Variants in AGAP1 observed in about 807,000 individuals in gnomAD.
The protein encoded by AGAP1 is ArfGAP with GTPase domain, ankyrin repeat and PH domain 1.
AGAP1 carries 29 observed loss-of-function variants against 105.3 expected under a neutral mutation model. That is an observed-to-expected ratio of 0.28 (90% CI 0.21 to 0.38). The LOEUF (loss-of-function observed/expected upper bound fraction) is 0.38. Among genes scored for constraint, AGAP1 ranks in the 10% least tolerant of loss-of-function variants. The pLI is 1.00. For missense variants in AGAP1, 998 were observed against 1,165.1 expected, an observed-to-expected ratio of 0.86 and a Z score of 2.09; for synonymous variants, 509 against 485.9, an observed-to-expected ratio of 1.05 and a Z score of -0.63.
intron 8 of AGAP1, among the ~76,000 whole-genome samples, chr2:235,802,976 G>GAT (rs1559506238): frequency 6.2e-5 from 9 of 144,368 alleles, no homozygotes; most frequent in East Asian, 2.1e-4. Context: ...TGATGGTTGT[G>GAT]GTTGTGATGG....
intron 16 of AGAP1, among the ~76,000 whole-genome samples, chr2:236,075,598 A>G (rs542072736): frequency 6.6e-6 from 1 of 152,210 alleles, no homozygotes; most frequent in East Asian, 1.9e-4. Flanking sequence ...AGCACTGGAA[A>G]TAGCCGACAT....
intron 12 of AGAP1, among the ~76,000 whole-genome samples, chr2:235,944,164 C>G (rs1440150634): frequency 6.6e-6 from 1 of 152,094 alleles, no homozygotes; most frequent in Admixed American, 6.5e-5. Flanking sequence ...ATTTCAGATC[C>G]TCTTAAATTA....
At chr2:235,984,490 T>TC (rs1420464331) in intron 13 of AGAP1, among the ~76,000 whole-genome samples, 1 of 114,186 alleles carries the variant, frequency 8.8e-6, no homozygotes, top group Non-Finnish European at 1.9e-5. Flanking sequence ...TTCCTTTATT[T>TC]CTTAAAAAAA....
chr2:235,851,998 C>G (rs914808343), intron 9 of AGAP1, among the ~76,000 whole-genome samples: 1 of 152,128 alleles, frequency 6.6e-6, no homozygotes, highest in Non-Finnish European at 1.5e-5. Context: ...AGATTAACAA[C>G]CTCCGCTGAA....
rs570611447 is a variant in AGAP1 at position 235,720,490 on chromosome 2, G to A, written c.310+2846G>A. Among the ~76,000 whole-genome samples the A allele has an allele frequency of 5.3e-5, 8 of 152,192 alleles. No individual in the cohort carries two copies. Among genetic ancestry groups the A allele is most frequent in the South Asian group, 2.1e-4 (1 of 4,812 alleles). On this transcript the variant is annotated intron_variant, in intron 3 of 17. Coordinates refer to ENST00000304032, the MANE Select transcript of AGAP1 (RefSeq NM_001037131.3). This position sits in a 1 kb window ranked among gnomAD's most constrained non-coding sequence, Gnocchi z 5.0. ...ACAGTGGTGGGAGTGGTTGGCGCCC[G>A]GTTGAGGGATTGGATTTTGAGTGAG...
intron 6 of AGAP1, among the ~76,000 whole-genome samples, chr2:235,759,464 C>T (rs909073074): frequency 1.4e-4 from 22 of 152,340 alleles, no homozygotes; most frequent in East Asian, 3.9e-4. Context: ...CCACCGCGCC[C>T]GGCCCTGGCA....
chr2:235,602,630 A>T (rs1256395011), intron 1 of AGAP1, among the ~76,000 whole-genome samples: 2 of 152,168 alleles, frequency 1.3e-5, no homozygotes, highest in Non-Finnish European at 2.9e-5. Context: ...CTAATGGTGC[A>T]TGTTTCCTCC....
chr2:236,051,839 G>A lies in AGAP1; in HGVS notation c.2114+2558G>A, dbSNP rs1576176352. 6.6e-6 allele frequency among the ~76,000 whole-genome samples: 1 copy of A among 152,286 alleles called. No individual in the cohort carries two copies. Among genetic ancestry groups the A allele is most frequent in the East Asian group, 1.9e-4 (1 of 5,166 alleles). On this transcript the variant is annotated intron_variant, in intron 16 of 17. Transcript: ENST00000304032. This position sits in a 1 kb window ranked among gnomAD's most constrained non-coding sequence, Gnocchi z 5.9. ...AGGGTCCTGGTGGAGCATGCGGGAA[G>A]CCTTAACTACACTGTCCAAAGCAAA...
At chr2:235,669,355 A>G (rs1034285032) in intron 1 of AGAP1, among the ~76,000 whole-genome samples, 1 of 152,126 alleles carries the variant, frequency 6.6e-6, no homozygotes, top group Non-Finnish European at 1.5e-5. Context: ...CAGGTGAGAC[A>G]TGCCCCTCGT....
At chr2:236,108,185 G>A (rs2059548612) in intron 16 of AGAP1, among the ~76,000 whole-genome samples, 1 of 152,208 alleles carries the variant, frequency 6.6e-6, no homozygotes, top group Non-Finnish European at 1.5e-5. Context: ...CATGCAAGGG[G>A]GAGGCAGCTG....
intron 12 of AGAP1, among the ~76,000 whole-genome samples, chr2:235,942,270 G>A (rs902562123): frequency 1.3e-5 from 2 of 152,146 alleles, no homozygotes; most frequent in African/African-American, 2.4e-5. Context: ...CAGTAGCCAC[G>A]GGTAGAGCCG....
At chr2:235,847,126 G>T (rs1961590718) in intron 9 of AGAP1, among the ~76,000 whole-genome samples, 2 of 152,208 alleles carry the variant, frequency 1.3e-5, no homozygotes, top group African/African-American at 4.8e-5. Flanking sequence ...GAATATAGAG[G>T]CTTAAAGGTA....
intron 12 of AGAP1, among the ~76,000 whole-genome samples, chr2:235,935,141 C>T (rs1309758566): frequency 6.6e-6 from 1 of 152,182 alleles, no homozygotes; most frequent in Non-Finnish European, 1.5e-5. Flanking sequence ...TAAGGTTTCA[C>T]ATTTAAGTAC....
At position 235,560,101 on chromosome 2, in the gene AGAP1, A is replaced by C. The variant is rs185470130; in HGVS notation, c.163+65252A>C. On this transcript the variant is annotated intron_variant, in intron 1 of 17. Coordinates refer to ENST00000304032, the MANE Select transcript of AGAP1 (RefSeq NM_001037131.3). ...GATATACTCCTTGTGTTTTCTTCTAAGAGTTTTCTGATGGTTTCTTTTACG... is the reference window on the plus strand; with the variant it reads ...GATATACTCCTTGTGTTTTCTTCTACGAGTTTTCTGATGGTTTCTTTTACG... Among the ~76,000 whole-genome samples, 310 of 152,184 alleles carry C rather than the reference A, an allele frequency of 2.0e-3. 1 individual carries two copies. The highest frequency in any genetic ancestry group is 1.2e-3 in the Non-Finnish European group (83 of 67,996).
intron 1 of AGAP1, among the ~76,000 whole-genome samples, chr2:235,592,886 A>G (rs1945398404): frequency 6.6e-6 from 1 of 152,170 alleles, no homozygotes; most frequent in South Asian, 2.1e-4. Flanking sequence ...CACAGTTTCC[A>G]GGAACACTGG....
chr2:235,968,618 C>T lies in AGAP1; in HGVS notation c.1640C>T (p.Ala547Val). Residue 547 changes from alanine (A) to valine (V), a missense_variant, in exon 13 of 18, where the codon GCT (alanine) becomes GTT (valine). Transcript: ENST00000304032. ...NFKADGLSGT[A>V]EEQEENFEFI... ...AAAGCCGACGGCCTGTCCGGCACTG[C>T]TGAAGGTAAGGGTTCCGCGGTGCCC... 2 of 1,606,426 alleles carry T rather than the reference C, an allele frequency of 1.2e-6. No individual in the cohort carries two copies. The highest frequency in any genetic ancestry group is 1.7e-6 in the Non-Finnish European group (2 of 1,177,358).
At position 235,593,175 on chromosome 2, in the gene AGAP1, C is replaced by G. The variant is rs372917521; in HGVS notation, c.163+98326C>G. Among the ~76,000 whole-genome samples the G allele has an allele frequency of 1.3e-4, 20 of 152,258 alleles. No individual in the cohort carries two copies. The East Asian group carries it at 3.3e-3, about 25-fold the overall frequency. ...ATGTAAATTGGAATCACCTGTGGCT[C>G]TCAAGCTGGCATTCAGACGGGCAGC... On this transcript the variant is annotated intron_variant, in intron 1 of 17. Coordinates refer to ENST00000304032, the MANE Select transcript of AGAP1 (RefSeq NM_001037131.3).
At chr2:235,676,453 A>G (rs908879501) in intron 1 of AGAP1, among the ~76,000 whole-genome samples, 1 of 152,186 alleles carries the variant, frequency 6.6e-6, no homozygotes, top group African/African-American at 2.4e-5. Context: ...TTCTTGAGTT[A>G]ATGGGAAGGA....
chr2:235,720,463 C>G lies in AGAP1; in HGVS notation c.310+2819C>G, dbSNP rs1951324703. On this transcript the variant is annotated intron_variant, in intron 3 of 17. Transcript: ENST00000304032. This position sits in a 1 kb window ranked among gnomAD's most constrained non-coding sequence, Gnocchi z 5.0. ...TACCCACACAAAGGTGAGGGCACTC[C>G]CACAGTGGTGGGAGTGGTTGGCGCC... Among the ~76,000 whole-genome samples the G allele has an allele frequency of 6.6e-6, 1 of 152,040 alleles. No individual in the cohort carries two copies. Among genetic ancestry groups the G allele is most frequent in the African/African-American group, 2.4e-5 (1 of 41,408 alleles).
Sources: gnomAD v4.1 joint callset for allele counts (sites outside exome capture counted in the v4.1 genomes callset) on GRCh38, gnomAD v4.1.1 for gene constraint, Gnocchi (gnomAD v3.1) non-coding constraint, MANE v1.5 for transcripts, NCBI Gene and HGNC (gene_info 2026-07-23, HGNC 2026-07-21) for gene names.